The following FSTL5 variants were observed in gnomAD, a reference collection of about 807,000 sequenced individuals.
FSTL5 encodes follistatin like 5, also known as follistatin-related protein 5.
Under a neutral mutation model 89.1 loss-of-function variants are expected in FSTL5, and 62 were observed. The ratio of observed to expected loss-of-function variants is 0.70; its 90% CI spans 0.57 to 0.86. The LOEUF (loss-of-function observed/expected upper bound fraction) is 0.86, where lower values mean the gene tolerates loss of function less well. Ranked by LOEUF, FSTL5 falls within the 40% of genes least tolerant of loss-of-function variation. The pLI is 0.00. For synonymous variants in FSTL5, 383 were observed against 346.2 expected (o/e 1.11, Z -1.18); for missense variants, 1,057 against 1,001.6 (o/e 1.06, Z -0.75).
intron 6 of FSTL5, among the ~76,000 whole-genome samples, chr4:161,661,609 G>A (rs1487627108): frequency 2.0e-5 from 3 of 152,032 alleles, no homozygotes; most frequent in African/African-American, 7.2e-5. Context: ...TATTTTGTCA[G>A]GAAATAGGTG....
chr4:161,537,515 AG>A (rs1731665034), intron 10 of FSTL5, among the ~76,000 whole-genome samples: 1 of 152,214 alleles, frequency 6.6e-6, no homozygotes, highest in Non-Finnish European at 1.5e-5. Flanking sequence ...ATCCATCCTC[AG>A]CATCCCCACC....
At chr4:161,893,011 A>T (rs1297540051) in intron 4 of FSTL5, among the ~76,000 whole-genome samples, 1 of 152,144 alleles carries the variant, frequency 6.6e-6, no homozygotes, top group Non-Finnish European at 1.5e-5. Flanking sequence ...GTGTTTTCCC[A>T]CCAGAGCTAA....
At chr4:161,879,801 A>G (rs1167733032) in intron 4 of FSTL5, among the ~76,000 whole-genome samples, 1 of 152,138 alleles carries the variant, frequency 6.6e-6, no homozygotes, top group African/African-American at 2.4e-5. Flanking sequence ...CAACCCTGGG[A>G]CACTTCCCTA....
At position 162,162,661 on chromosome 4, in the gene FSTL5, T is replaced by A. The variant is rs1733741079; in HGVS notation, c.-17+954A>T. On this transcript the variant is annotated intron_variant, in intron 1 of 15. Coordinates refer to ENST00000306100, the MANE Select transcript of FSTL5 (RefSeq NM_020116.5). The stretch of plus-strand genomic sequence containing the variant: ...TTGTTCAGTCGTTTTCCACACTGAA[T>A]TCTTTCTCTGTACACACTCAGAACA... Among the ~76,000 whole-genome samples the A allele has an allele frequency of 2.0e-5, 3 of 152,220 alleles. No homozygotes were observed. In the South Asian group the frequency reaches 6.2e-4, roughly 32 times the overall value.
At chr4:161,770,464 A>T (rs1422598687) in intron 5 of FSTL5, among the ~76,000 whole-genome samples, 1 of 151,902 alleles carries the variant, frequency 6.6e-6, no homozygotes, top group Admixed American at 6.6e-5. Flanking sequence ...TGTAACCCTT[A>T]TGTATATATA....
intron 3 of FSTL5, among the ~76,000 whole-genome samples, chr4:162,018,904 C>A (rs895222219): frequency 2.6e-5 from 4 of 152,112 alleles, no homozygotes; most frequent in African/African-American, 7.2e-5. Flanking sequence ...ACTTTGGAAA[C>A]AATATTAGAT....
rs1171660149 is a variant in FSTL5, at chr4:161,705,971, T to G, written c.728-49477A>C. ...ATGTGTGTATATATATATATATATA[T>G]ATATATATATATATATATATATATA... On this transcript the variant is annotated intron_variant, in intron 6 of 15. Transcript: ENST00000306100. Among the ~76,000 whole-genome samples the G allele has an allele frequency of 1.1e-3, 89 of 79,886 alleles. 7 individuals carry two copies. The highest frequency in any genetic ancestry group is 9.8e-3 in the East Asian group (22 of 2,252). The allele number at this position is 79,886 out of a possible 152,430, so 52.4% of individuals were successfully genotyped here.
At chr4:162,155,848 G>A (rs62331318) in intron 1 of FSTL5, among the ~76,000 whole-genome samples, 79,710 of 151,580 alleles carry the variant, frequency 0.53, 21,093 homozygotes, top group Admixed American at 0.59. Flanking sequence ...AAATGGAAAA[G>A]CAGGCTGACT....
At chr4:162,158,279 T>A (rs1733561403) in intron 1 of FSTL5, among the ~76,000 whole-genome samples, 1 of 152,084 alleles carries the variant, frequency 6.6e-6, no homozygotes, top group Non-Finnish European at 1.5e-5. Flanking sequence ...TTATGCTGTT[T>A]GAGGCACCAA....
At chr4:161,652,929 A>G (rs1638882595) in intron 7 of FSTL5, among the ~76,000 whole-genome samples, 1 of 152,154 alleles carries the variant, frequency 6.6e-6, no homozygotes, top group South Asian at 2.1e-4. Context: ...GTAAAAATAG[A>G]TAATGTACTT....
intron 2 of FSTL5, among the ~76,000 whole-genome samples, chr4:162,061,245 A>T (rs1738708409): frequency 1.3e-5 from 2 of 152,088 alleles, no homozygotes; most frequent in South Asian, 2.1e-4. Context: ...GAAGAGATGT[A>T]AAGACGGTCA....
chr4:161,612,518 C>A (rs1225526078), intron 7 of FSTL5, among the ~76,000 whole-genome samples: 1 of 152,156 alleles, frequency 6.6e-6, no homozygotes, highest in Non-Finnish European at 1.5e-5. Flanking sequence ...AACTATTGTG[C>A]TCTGACATTC....
At chr4:162,129,620 T>C (rs1732219860) in intron 1 of FSTL5, among the ~76,000 whole-genome samples, 2 of 152,186 alleles carry the variant, frequency 1.3e-5, no homozygotes, top group South Asian at 4.1e-4. Context: ...GTCACCAAAA[T>C]ATATCATAGC....
chr4:161,810,638 T>C (rs1730109207), intron 4 of FSTL5, among the ~76,000 whole-genome samples: 1 of 152,196 alleles, frequency 6.6e-6, no homozygotes, highest in South Asian at 2.1e-4. Flanking sequence ...TCTGCTACCA[T>C]TGTGACCTTG....
chr4:161,877,337 T>C (rs569907083), intron 4 of FSTL5, among the ~76,000 whole-genome samples: 1 of 150,848 alleles, frequency 6.6e-6, no homozygotes, highest in South Asian at 2.1e-4. Context: ...TAATATGTTG[T>C]CATAAACAAG....
At chr4:161,996,291 C>A (rs1418623064) in intron 3 of FSTL5, among the ~76,000 whole-genome samples, 1 of 152,210 alleles carries the variant, frequency 6.6e-6, no homozygotes, top group Non-Finnish European at 1.5e-5. Context: ...GGTTGCTCAC[C>A]AGTGAAATAC....
At chr4:161,510,570 TTTAAA>T (rs574233482) in intron 10 of FSTL5, 146 bp from the exon 11 acceptor site, 271 of 492,204 alleles carry the variant, frequency 5.5e-4, no homozygotes, top group Non-Finnish European at 1.7e-4. Context: ...AGTGAGCTAC[TTTAAA>T]TTAACAAAAC....
At chr4:161,818,334 T>C (rs1026088314) in intron 4 of FSTL5, among the ~76,000 whole-genome samples, 1 of 152,160 alleles carries the variant, frequency 6.6e-6, no homozygotes, top group Non-Finnish European at 1.5e-5. Flanking sequence ...AACCTTGCAC[T>C]CATTCTCCAA....
chr4:161,965,155 A>G (rs539051357), intron 3 of FSTL5, among the ~76,000 whole-genome samples: 49 of 152,248 alleles, frequency 3.2e-4, no homozygotes, highest in Non-Finnish European at 7.1e-4. Context: ...TTATACCTTT[A>G]TATCTCCAAT....
Sources: gnomAD v4.1 joint callset for allele counts (sites outside exome capture counted in the v4.1 genomes callset) on GRCh38, gnomAD v4.1.1 for gene constraint, MANE v1.5 for transcripts, NCBI Gene and HGNC (gene_info 2026-07-23, HGNC 2026-07-21) for gene names.